KAZN: variants seen among roughly 807,000 people sequenced by gnomAD.
KAZN encodes the protein kazrin.
KAZN carries 40 observed loss-of-function variants against 87.4 expected under a neutral mutation model. That is an observed-to-expected ratio of 0.46 (90% CI 0.36 to 0.60). The LOEUF is 0.60. KAZN is among the 20% of genes least tolerant of loss of function. KAZN has a pLI of 0.00. For synonymous variants in KAZN, 466 were observed against 458.3 expected, an observed-to-expected ratio of 1.02 and a Z score of -0.22; for missense variants, 898 against 1,073.9, an observed-to-expected ratio of 0.84 and a Z score of 2.29.
exon 1 of KAZN, chr1:13,893,381 T>G (rs1638911798): frequency 5.1e-5 from 15 of 295,386 alleles, no homozygotes; most frequent in South Asian, 7.3e-5. Context: ...CGACTCCTGG[T>G]TAGGGGGAAA....
At chr1:13,923,974 C>T (rs1287021642) in intron 1 of KAZN, among the ~76,000 whole-genome samples, 2 of 151,690 alleles carry the variant, frequency 1.3e-5, no homozygotes. Flanking sequence ...CTGGATGGCC[C>T]GTCGGGCAGA....
Position 15,114,735 on chromosome 1 carries a change from C to T in KAZN, c.*100C>T. ...TCTCACTGTACATAGCGGCCGCAGGCTGAGGATGTCCCTTGCTCCTGGGCA... is the reference window on the plus strand; with the variant it reads ...TCTCACTGTACATAGCGGCCGCAGGTTGAGGATGTCCCTTGCTCCTGGGCA... On this transcript the variant is annotated 3_prime_UTR_variant, in exon 15 of 15. Transcript: ENST00000376030. 1.6e-6 allele frequency: 2 copies of T among 1,217,400 alleles called. No individual in the cohort carries two copies. The highest frequency in any genetic ancestry group is 2.3e-6 in the Non-Finnish European group (2 of 883,198). 75.4% of individuals were successfully genotyped at this position (1,217,400 alleles called of 1,614,324 possible). A position where few individuals can be genotyped will look rare whatever the true frequency, so the allele number is the denominator to read the frequency against.
chr1:15,030,208 C>T (rs1020862919), intron 2 of KAZN, among the ~76,000 whole-genome samples: 13 of 152,162 alleles, frequency 8.5e-5, no homozygotes, highest in African/African-American at 2.4e-4. Context: ...AGCGGGGCCC[C>T]GGCTCTTCCT....
intron 1 of KAZN, among the ~76,000 whole-genome samples, chr1:14,105,067 A>T (rs1402937375): frequency 3.9e-5 from 6 of 152,188 alleles, no homozygotes; most frequent in African/African-American, 1.4e-4. Flanking sequence ...CAAGGGATAC[A>T]CTGTGCTCTA....
intron 1 of KAZN, among the ~76,000 whole-genome samples, chr1:14,633,034 A>G (rs892991626): frequency 6.6e-6 from 1 of 151,982 alleles, no homozygotes; most frequent in Non-Finnish European, 1.5e-5. Context: ...CCCCTGCCTC[A>G]GCCTCCTGAC....
At chr1:14,380,250 G>A (rs1392314908) in intron 2 of KAZN, among the ~76,000 whole-genome samples, 1 of 152,112 alleles carries the variant, frequency 6.6e-6, no homozygotes, top group African/African-American at 2.4e-5. Flanking sequence ...CAAGAAGGAT[G>A]GGTACAAACA....
chr1:13,896,101 GC>G (rs1204111245), intron 1 of KAZN, among the ~76,000 whole-genome samples: 2 of 147,704 alleles, frequency 1.4e-5, no homozygotes, highest in African/African-American at 5.0e-5. Flanking sequence ...AAGTGGTCCT[GC>G]CACCTCTGCC....
At position 14,050,293 on chromosome 1, in the gene KAZN, T is replaced by C. The variant is rs571522138; in HGVS notation, c.92-130142T>C. Reference sequence around the variant, plus strand: ...GTTTGCATACTATAATTTGGAGCACTGGATACTTCTCTAAAGGCCAGACCA... The same window carrying C: ...GTTTGCATACTATAATTTGGAGCACCGGATACTTCTCTAAAGGCCAGACCA... On this transcript the variant is annotated intron_variant, in intron 1 of 16. Coordinates refer to the KAZN transcript ENST00000636203. Among the ~76,000 whole-genome samples, 5 of 152,324 alleles carry C rather than the reference T, an allele frequency of 3.3e-5. No homozygotes were observed. In the East Asian group the frequency reaches 7.7e-4, roughly 24 times the overall value.
intron 2 of KAZN, among the ~76,000 whole-genome samples, chr1:14,593,026 G>A (rs2148583709): frequency 1.3e-5 from 2 of 152,316 alleles, no homozygotes; most frequent in South Asian, 4.1e-4. Context: ...GAGCACTGAA[G>A]GGATAAGAGG....
chr1:14,854,155 G>C (rs1234545614), intron 1 of KAZN, among the ~76,000 whole-genome samples: 1 of 152,132 alleles, frequency 6.6e-6, no homozygotes, highest in Non-Finnish European at 1.5e-5. Context: ...TTGTGAGTGA[G>C]GTTTCTCATC....
chr1:15,000,775 G>A (rs2102011783), intron 2 of KAZN, among the ~76,000 whole-genome samples: 1 of 152,062 alleles, frequency 6.6e-6, no homozygotes, highest in Middle Eastern at 3.4e-3. Flanking sequence ...CACAGTGCTT[G>A]TACGTTTGGA....
intron 1 of KAZN, among the ~76,000 whole-genome samples, chr1:14,846,914 G>A (rs973978645): frequency 6.6e-6 from 1 of 152,136 alleles, no homozygotes; most frequent in Non-Finnish European, 1.5e-5. Context: ...ACGTGAACCC[G>A]GGTCTGGCTG....
At chr1:14,590,230 G>T (rs747542668) in intron 2 of KAZN, among the ~76,000 whole-genome samples, 4 of 152,046 alleles carry the variant, frequency 2.6e-5, no homozygotes, top group Middle Eastern at 3.2e-3. Flanking sequence ...AAATCACTGG[G>T]GTACCATTTT....
intron 2 of KAZN, among the ~76,000 whole-genome samples, chr1:14,548,054 T>A (rs1399168999): frequency 2.1e-5 from 3 of 145,308 alleles, no homozygotes; most frequent in Non-Finnish European, 3.1e-5. Context: ...AAAAAAAAAA[T>A]TGCAAATTGC....
chr1:14,730,186 C>A (rs894498701), intron 1 of KAZN, among the ~76,000 whole-genome samples: 6 of 152,100 alleles, frequency 3.9e-5, no homozygotes, highest in Admixed American at 2.0e-4. Flanking sequence ...CGGGTTCAAG[C>A]GATTCTCCCG....
At chr1:14,723,795 C>G (rs1051523007) in intron 1 of KAZN, among the ~76,000 whole-genome samples, 18 of 152,086 alleles carry the variant, frequency 1.2e-4, no homozygotes, top group African/African-American at 4.1e-4. Context: ...TTTGACTGAT[C>G]CAGAGGGTTT....
At position 14,468,360 on chromosome 1, in the gene KAZN, C is replaced by G. The variant is rs78995404; in HGVS notation, c.250-130623C>G. Among the ~76,000 whole-genome samples, 672 of 152,184 alleles carry G rather than the reference C, an allele frequency of 4.4e-3. 4 individuals are homozygous for G. Among genetic ancestry groups the G allele is most frequent in the African/African-American group, 0.016 (655 of 41,514 alleles). On this transcript the variant is annotated intron_variant, in intron 2 of 16. Coordinates refer to the KAZN transcript ENST00000636203. The stretch of plus-strand genomic sequence containing the variant: ...AGAAGCACTTGCTCTGCATCAGGCC[C>G]CTTTATATACCCGGTCTTACTCAAG...
intron 2 of KAZN, among the ~76,000 whole-genome samples, chr1:14,518,485 A>G (rs1671413655): frequency 6.6e-6 from 1 of 152,138 alleles, no homozygotes; most frequent in Non-Finnish European, 1.5e-5. Flanking sequence ...CCTGTTTGAA[A>G]TCATTTTTAA....
chr1:15,092,073 A>ATTTTTTTTTTTTTTTTTTTTTTTTGT (rs58871336), intron 8 of KAZN, among the ~76,000 whole-genome samples: 2 of 75,486 alleles, frequency 2.6e-5, no homozygotes, highest in East Asian at 5.6e-4. Flanking sequence ...TTTTTTTTTG[A>ATTTTTTTTTTTTTTTTTTTTTTTTGT]TTTTTTTTTT....
Sources: allele counts gnomAD v4.1 joint callset (sites outside exome capture counted in the v4.1 genomes callset), GRCh38; gene constraint gnomAD v4.1.1; transcripts MANE v1.5; gene names NCBI Gene and HGNC (gene_info 2026-07-23, HGNC 2026-07-21).